The following USP32 variants were observed in gnomAD, a reference collection of about 807,000 sequenced individuals.
USP32 encodes ubiquitin specific peptidase 32.
A neutral mutation model predicts 204.8 loss-of-function variants in USP32; 59 were observed. The ratio of observed to expected loss-of-function variants is 0.29; its 90% CI spans 0.23 to 0.36. The LOEUF (loss-of-function observed/expected upper bound fraction) is 0.36, where lower values mean the gene tolerates loss of function less well. USP32 is among the 10% of genes least tolerant of loss of function. The pLI, the probability that USP32 is intolerant of heterozygous loss-of-function variation, is 1.00. For synonymous variants in USP32, 517 were observed against 678.4 expected (o/e 0.76, Z 3.70); for missense variants, 1,160 against 1,946.4 (o/e 0.60, Z 7.60).
At chr17:60,409,145 C>T (rs1418875615) in intron 1 of USP32, among the ~76,000 whole-genome samples, 1 of 152,088 alleles carries the variant, frequency 6.6e-6, no homozygotes, top group African/African-American at 2.4e-5. Flanking sequence ...GCCAGGACTT[C>T]AAGACCACCC....
intron 2 of USP32, among the ~76,000 whole-genome samples, chr17:60,302,064 T>C (rs2087591337): frequency 6.6e-6 from 1 of 152,186 alleles, no homozygotes; most frequent in Admixed American, 6.5e-5. Flanking sequence ...TTTGCCCAAC[T>C]GAAGGCTAAT....
chr17:60,208,621 A>G, intron 23 of USP32, 33 bp downstream of exon 23: 2 of 1,466,870 alleles, frequency 1.4e-6, no homozygotes, highest in Non-Finnish European at 1.8e-6. Context: ...AATTTAATGG[A>G]GTCAAGTAAT....
intron 1 of USP32, among the ~76,000 whole-genome samples, chr17:60,372,439 A>C (rs1266513500): frequency 6.6e-6 from 1 of 152,154 alleles, no homozygotes; most frequent in Non-Finnish European, 1.5e-5. Flanking sequence ...AAACCTACAC[A>C]GCATATTACT....
chr17:60,395,532 C>G (rs112784819), upstream of USP32, among the ~76,000 whole-genome samples: 258 of 152,266 alleles, frequency 1.7e-3, no homozygotes, highest in African/African-American at 6.1e-3. Context: ...GTACTTAAGT[C>G]TAATAACGTA....
chr17:60,245,197 A>C (rs920037952), intron 11 of USP32: 13 of 200,116 alleles, frequency 6.5e-5, no homozygotes, highest in African/African-American at 3.1e-4. Context: ...TTTTATTATT[A>C]CCTATGTAAT....
In USP32 at chr17:60,319,810, A is replaced by T. The variant is rs187008837; in HGVS notation, c.187-18106T>A. Among the ~76,000 whole-genome samples the T allele has an allele frequency of 1.1e-3, 170 of 152,284 alleles. 1 individual carries two copies. Among genetic ancestry groups the T allele is most frequent in the African/African-American group, 3.1e-3 (129 of 41,578 alleles). On this transcript the variant is annotated intron_variant, in intron 2 of 33. Transcript: ENST00000300896. ...TAAAAATAAAAATAATACAAAATTT[A>T]AAAATACACTATAACAACTATTCAC...
In USP32 at chr17:60,208,486, G is replaced by A. The variant is rs2668965; in HGVS notation, c.2773+168C>T. On this transcript the variant is annotated intron_variant, in intron 23 of 33. Coordinates refer to ENST00000300896, the MANE Select transcript of USP32 (RefSeq NM_032582.4). Reference sequence around the variant, plus strand: ...TTTGAAACCAAAAAAACATGCCCCAGTCTACATCTTTCAAACCTCAAGTCA... The same window carrying A: ...TTTGAAACCAAAAAAACATGCCCCAATCTACATCTTTCAAACCTCAAGTCA... 6.4e-4 allele frequency among the ~76,000 whole-genome samples: 97 copies of A among 152,228 alleles called. 2 individuals carry two copies. The East Asian group carries it at 0.017, about 27-fold the overall frequency.
intron 11 of USP32, chr17:60,245,692 G>C (rs1476231537): frequency 5.5e-6 from 1 of 181,306 alleles, no homozygotes; most frequent in Non-Finnish European, 1.2e-5. Flanking sequence ...GCAGCGCCAA[G>C]GAAGAGAGCC....
intron 12 of USP32, among the ~76,000 whole-genome samples, chr17:60,234,402 C>T (rs1304514183): frequency 6.6e-6 from 1 of 151,030 alleles, no homozygotes; most frequent in East Asian, 2.0e-4. Flanking sequence ...TGTGAGCCAC[C>T]ACACCCGGCT....
chr17:60,213,721 G>A, intron 17 of USP32, 59 bp from the exon 18 acceptor site: 2 of 1,432,602 alleles, frequency 1.4e-6, no homozygotes, highest in Admixed American at 2.5e-5. Flanking sequence ...AACAAATACA[G>A]AGATAAAAAT....
chr17:60,411,626 C>G (rs1031586478), intron 1 of USP32, among the ~76,000 whole-genome samples: 1 of 151,818 alleles, frequency 6.6e-6, no homozygotes, highest in East Asian at 2.0e-4. Flanking sequence ...CCTCCCACCT[C>G]AGCCTCCAGA....
intron 2 of USP32, among the ~76,000 whole-genome samples, chr17:60,342,050 C>T (rs1281615895): frequency 6.6e-6 from 1 of 152,150 alleles, no homozygotes; most frequent in African/African-American, 2.4e-5. Context: ...TTTTATCTAT[C>T]TTTGGTCTTT....
intron 2 of USP32, among the ~76,000 whole-genome samples, chr17:60,337,220 C>A (rs954735261): frequency 6.6e-6 from 1 of 152,220 alleles, no homozygotes. Flanking sequence ...AAGACTACTT[C>A]AGCATAAATT....
At chr17:60,242,786 CT>C (rs151073979) in intron 11 of USP32, among the ~76,000 whole-genome samples, 6,736 of 152,140 alleles carry the variant, frequency 0.044, 529 homozygotes, top group African/African-American at 0.15. Context: ...TTAATGTATC[CT>C]TAGGTAAATT....
chr17:60,265,339 A>G, intron 9 of USP32, 73 bp downstream of exon 9: 5 of 1,044,724 alleles, frequency 4.8e-6, no homozygotes, highest in Non-Finnish European at 7.2e-6. Context: ...TCAAGCATGT[A>G]TATAAGCGAT....
Position 60,183,172 on chromosome 17 carries a change from G to A in USP32, c.4116C>T (p.Ser1372=), listed in dbSNP as rs187781222. The A allele has an allele frequency of 5.2e-5, 84 of 1,608,612 alleles. No individual in the cohort carries two copies. In the African/African-American group the frequency reaches 1.0e-3, roughly 19 times the overall value. The change falls in exon 31 of 34, where the codon AGC becomes AGT. Residue 1372 remains serine (S), a synonymous_variant. Transcript: ENST00000300896. ...PSSLSANIIS[S]PKGSPSSSRK... Reference sequence around the variant, plus strand: ...AAGGCCCCCAGGCCTCACCTTTCGGGCTGCTGATGATGTTAGCGCTGAGTG... The same window carrying A: ...AAGGCCCCCAGGCCTCACCTTTCGGACTGCTGATGATGTTAGCGCTGAGTG...
chr17:60,356,059 A>T (rs1214237650), intron 1 of USP32, among the ~76,000 whole-genome samples: 1 of 152,194 alleles, frequency 6.6e-6, no homozygotes, highest in Non-Finnish European at 1.5e-5. Flanking sequence ...AGAGCTTCTC[A>T]AAAGAAGTGT....
At chr17:60,232,173 T>TTC (rs1555595255) in intron 12 of USP32, among the ~76,000 whole-genome samples, 11 of 136,626 alleles carry the variant, frequency 8.1e-5, no homozygotes, top group African/African-American at 3.0e-4. Flanking sequence ...TTTTTCTTTT[T>TTC]TTTTTTTTTT....
At chr17:60,335,665 C>G (rs1324234958) in intron 2 of USP32, among the ~76,000 whole-genome samples, 1 of 143,204 alleles carries the variant, frequency 7.0e-6, no homozygotes, top group Non-Finnish European at 1.5e-5. Context: ...AGAGTACGTT[C>G]ATTGGTCAGC....
Sources: allele counts gnomAD v4.1 joint callset (sites outside exome capture counted in the v4.1 genomes callset), GRCh38; gene constraint gnomAD v4.1.1; transcripts MANE v1.5; gene names NCBI Gene and HGNC (gene_info 2026-07-23, HGNC 2026-07-21).